The following RACGAP1 variants were observed in gnomAD, a reference collection of about 807,000 sequenced individuals.
RACGAP1 encodes the protein rac GTPase-activating protein 1.
A neutral mutation model predicts 78.1 loss-of-function variants in RACGAP1; 30 were observed. That is an observed-to-expected ratio of 0.38 (90% confidence interval 0.29 to 0.52). The LOEUF is 0.52. Among genes scored for constraint, RACGAP1 ranks in the 20% least tolerant of loss-of-function variants. The probability of loss-of-function intolerance (pLI) is 0.82; values close to 1 mark genes in which losing one functional copy is unlikely to be tolerated. For synonymous variants in RACGAP1, 231 were observed against 264.8 expected (o/e 0.87, Z 1.24); for missense variants, 587 against 777.1 (o/e 0.76, Z 2.91).
chr12:50,020,320 G>A (rs926949448), intron 1 of RACGAP1, among the ~76,000 whole-genome samples: 2 of 147,084 alleles, frequency 1.4e-5, no homozygotes, highest in Non-Finnish European at 3.0e-5. Context: ...TGGGATTACA[G>A]GTGCCCACCA....
chr12:50,000,018 A>ATGTTTTTTTTTTTTTT (rs1555172403), intron 7 of RACGAP1, among the ~76,000 whole-genome samples: 5,590 of 99,272 alleles, frequency 0.056, 411 homozygotes, highest in Middle Eastern at 0.11. Flanking sequence ...CACCTGACTG[A>ATGTTTTTTTTTTTTTT]TTTTTTTTTT....
rs1340046219 is a variant in RACGAP1 at position 49,994,158 on chromosome 12, G to A, written c.1312C>T (p.Leu438Phe). Residue 438 changes from leucine to phenylalanine, a missense_variant, in exon 12 of 17, where the codon CTT becomes TTT. Leu to Phe is a conservative substitution (Grantham distance 22, BLOSUM62 0). Transcript: ENST00000312377. Reference sequence around the variant, plus strand: ...GCTGCTTCCATAAAGGCTCTGTTAAGGCGAAAGGTCAGAAGAGGTTCTTTG... The same window carrying A: ...GCTGCTTCCATAAAGGCTCTGTTAAAGCGAAAGGTCAGAAGAGGTTCTTTG... ...NLKEPLLTFR[L>F]NRAFMEAAEI... 6.2e-7 allele frequency: 1 copy of A among 1,613,114 alleles called. No homozygotes were observed. Among genetic ancestry groups the A allele is most frequent in the Non-Finnish European group, 8.5e-7 (1 of 1,179,926 alleles).
upstream of RACGAP1, among the ~76,000 whole-genome samples, chr12:50,028,878 T>C (rs969466511): frequency 4.0e-5 from 6 of 151,262 alleles, no homozygotes; most frequent in African/African-American, 1.5e-4. Context: ...GGTCAGGAGT[T>C]CAAGACCAGC....
chr12:50,005,475 A>G, intron 3 of RACGAP1, 83 bp from the exon 4 acceptor site: 1 of 1,517,980 alleles, frequency 6.6e-7, no homozygotes, highest in Non-Finnish European at 9.0e-7. Flanking sequence ...GCAGACCAGA[A>G]GACATTAAAA....
chr12:50,026,579 C>A (rs1040379298), upstream of RACGAP1, among the ~76,000 whole-genome samples: 4 of 152,110 alleles, frequency 2.6e-5, no homozygotes, highest in Non-Finnish European at 5.9e-5. Flanking sequence ...TATTAATTCG[C>A]TTGATTTAGT....
chr12:50,022,674 T>C (rs1224392981), intron 1 of RACGAP1, among the ~76,000 whole-genome samples: 1 of 152,238 alleles, frequency 6.6e-6, no homozygotes, highest in Non-Finnish European at 1.5e-5. Context: ...TCTGATCTAA[T>C]CTTTGCCCAT....
chr12:50,016,931 A>C, intron 1 of RACGAP1: 1 of 1,332,486 alleles, frequency 7.5e-7, no homozygotes, highest in South Asian at 2.0e-5. Flanking sequence ...TTAGAAAACC[A>C]TTTCAGACCT....
At position 50,006,626 on chromosome 12, in the gene RACGAP1, C is replaced by T. The variant is rs760830090; in HGVS notation, c.96G>A (p.Gln32=). 6.2e-7 allele frequency: 1 copy of T among 1,614,004 alleles called. No individual in the cohort carries two copies. Among genetic ancestry groups the T allele is most frequent in the Admixed American group, 1.7e-5 (1 of 59,984 alleles). Residue 32 remains glutamine, a synonymous_variant, in exon 3 of 17, where the codon CAG becomes CAA. Coordinates refer to ENST00000312377, the MANE Select transcript of RACGAP1 (RefSeq NM_001319999.2). The part of the protein sequence containing the change: ...LSEGNEVQFI[Q]LAKDFEDFRK... ...GGAAATCCTCAAAGTCCTTCGCCAA[C>T]TGGATAAATTCTGAGGAAAGGGGGA...
At chr12:50,025,670 T>G (rs535076622), upstream of RACGAP1, 56 of 504,148 alleles carry the variant, frequency 1.1e-4, no homozygotes, top group East Asian at 1.1e-3. Flanking sequence ...GTTTTTTTTG[T>G]TTTTTTTTGC....
intron 1 of RACGAP1, among the ~76,000 whole-genome samples, chr12:50,017,920 G>A (rs1949768139): frequency 6.6e-6 from 1 of 152,262 alleles, no homozygotes; most frequent in Admixed American, 6.5e-5. Context: ...ACTTTGGGAG[G>A]CCCAGGCGGG....
chr12:50,025,242 C>T, intron 1 of RACGAP1, 156 bp downstream of exon 1: 1 of 947,118 alleles, frequency 1.1e-6, no homozygotes, highest in Non-Finnish European at 1.3e-6. Flanking sequence ...GACCCCCACC[C>T]CAGAAAAGCC....
rs761267669 is a variant in RACGAP1, at chr12:49,990,278, A to G, written c.1889T>C (p.Met630Thr). The G allele has an allele frequency of 2.0e-5, 33 of 1,613,390 alleles. No homozygotes were observed. In the East Asian group the frequency reaches 5.1e-4, roughly 25 times the overall value. The change falls in exon 17 of 17, where the codon ATG becomes ACG. Residue 630 changes from methionine to threonine, a missense_variant. Coordinates refer to ENST00000312377, the MANE Select transcript of RACGAP1 (RefSeq NM_001319999.2). The stretch of plus-strand genomic sequence containing the variant: ...CAGGCAGATGTGACTTCACTTGAGC[A>G]TTGGAGAAGCAAAAAAGTTGCCTTG... ...GRQGNFFASP[M>T]LK is the part of the protein sequence containing the mutation.
intron 2 of RACGAP1, among the ~76,000 whole-genome samples, chr12:50,014,362 T>C (rs1949529229): frequency 6.6e-6 from 1 of 152,210 alleles, no homozygotes; most frequent in Non-Finnish European, 1.5e-5. Flanking sequence ...ACTGTTCCTT[T>C]CTTAGCACCT....
At chr12:50,027,756 G>T (rs1015923801), upstream of RACGAP1, among the ~76,000 whole-genome samples, 6 of 152,174 alleles carry the variant, frequency 3.9e-5, no homozygotes, top group African/African-American at 1.4e-4. Flanking sequence ...AACCCGGGAG[G>T]CAGAGGTTGT....
In RACGAP1 at chr12:49,994,175, G is replaced by A. The variant is rs1399149298; in HGVS notation, c.1295C>T (p.Pro432Leu). The change falls in exon 12 of 17, where the codon CCT becomes CTT. Residue 432 changes from proline to leucine, a missense_variant. Coordinates refer to ENST00000312377, the MANE Select transcript of RACGAP1 (RefSeq NM_001319999.2). ...TCTGTTAAGGCGAAAGGTCAGAAGAGGTTCTTTGAGGTTTCGAAGAAAGTC... is the reference window on the plus strand; with the variant it reads ...TCTGTTAAGGCGAAAGGTCAGAAGAAGTTCTTTGAGGTTTCGAAGAAAGTC... ...LKDFLRNLKEPLLTFRLNRAF... is the reference protein window; with the variant it reads ...LKDFLRNLKELLLTFRLNRAF... The A allele has an allele frequency of 1.2e-6, 2 of 1,613,718 alleles. No homozygotes were observed. The highest frequency in any genetic ancestry group is 3.3e-5 in the Admixed American group (2 of 60,020).
chr12:50,008,127 C>G (rs965792229), intron 2 of RACGAP1, among the ~76,000 whole-genome samples: 1 of 125,766 alleles, frequency 8.0e-6, no homozygotes, highest in African/African-American at 3.2e-5. Flanking sequence ...ATTTACATAC[C>G]TGATTAATAT....
upstream of RACGAP1, among the ~76,000 whole-genome samples, chr12:50,030,008 T>C (rs892332697): frequency 1.1e-4 from 16 of 152,134 alleles, no homozygotes; most frequent in African/African-American, 2.7e-4. Context: ...CTGTGGCTCA[T>C]GCCTGTAATC....
intron 10 of RACGAP1, among the ~76,000 whole-genome samples, chr12:49,995,779 G>A (rs777499034): frequency 2.4e-4 from 36 of 152,118 alleles, no homozygotes; most frequent in Admixed American, 5.9e-4. Flanking sequence ...ACAGGCATGA[G>A]CTACCACACT....
intron 1 of RACGAP1, among the ~76,000 whole-genome samples, chr12:50,023,890 G>A (rs988269574): frequency 6.6e-6 from 1 of 152,160 alleles, no homozygotes; most frequent in Non-Finnish European, 1.5e-5. Flanking sequence ...GGCCGGGCGT[G>A]GTGGCTCATG....
Sources: gnomAD v4.1 joint callset for allele counts (sites outside exome capture counted in the v4.1 genomes callset) on GRCh38, gnomAD v4.1.1 for gene constraint, MANE v1.5 for transcripts, NCBI Gene and HGNC (gene_info 2026-07-23, HGNC 2026-07-21) for gene names.